The following CAMTA1 variants were observed in gnomAD, a reference collection of about 807,000 sequenced individuals.
CAMTA1 encodes the protein calmodulin-binding transcription activator 1.
Under a neutral mutation model 170.9 loss-of-function variants are expected in CAMTA1, and 27 were observed. That is an observed-to-expected ratio of 0.16 (90% CI 0.12 to 0.22). CAMTA1 has a LOEUF of 0.22. CAMTA1 is among the 10% of genes least tolerant of loss of function. The pLI, the probability that CAMTA1 is intolerant of heterozygous loss-of-function variation, is 1.00. For synonymous variants in CAMTA1, 833 were observed against 891.5 expected, an observed-to-expected ratio of 0.93 and a Z score of 1.17; for missense variants, 1,619 against 2,217.2, an observed-to-expected ratio of 0.73 and a Z score of 5.42.
At chr1:6,844,540 GC>G (rs1395576429) in intron 3 of CAMTA1, among the ~76,000 whole-genome samples, 1 of 148,194 alleles carries the variant, frequency 6.7e-6, no homozygotes, top group Non-Finnish European at 1.5e-5. Flanking sequence ...GCAAAAATTA[GC>G]CCAGCATAGA....
At chr1:7,362,459 G>A (rs528190204) in intron 5 of CAMTA1, among the ~76,000 whole-genome samples, 41 of 152,212 alleles carry the variant, frequency 2.7e-4, no homozygotes, top group African/African-American at 9.4e-4. Context: ...AGAGTTAGTG[G>A]ACTTGAATAG....
chr1:7,290,560 A>G (rs540636596), intron 5 of CAMTA1, among the ~76,000 whole-genome samples: 1 of 152,048 alleles, frequency 6.6e-6, no homozygotes, highest in East Asian at 1.9e-4. Flanking sequence ...TTTCCAAATT[A>G]TGTGTTGCAA....
chr1:7,312,097 A>G (rs569955094), intron 5 of CAMTA1, among the ~76,000 whole-genome samples: 4 of 152,244 alleles, frequency 2.6e-5, no homozygotes, highest in African/African-American at 4.8e-5. Flanking sequence ...TACAGATGCC[A>G]TGACTGCACC....
chr1:7,594,852 C>G (rs1052050715), intron 6 of CAMTA1, among the ~76,000 whole-genome samples: 1 of 152,166 alleles, frequency 6.6e-6, no homozygotes, highest in South Asian at 2.1e-4. Flanking sequence ...GAGCTCCCCT[C>G]GGGTCATATT....
At chr1:6,874,912 G>A (rs769886394) in intron 3 of CAMTA1, among the ~76,000 whole-genome samples, 3 of 152,246 alleles carry the variant, frequency 2.0e-5, no homozygotes, top group South Asian at 2.1e-4. Flanking sequence ...ACCCAGCTGC[G>A]GGAGGCTTCG....
At chr1:7,743,465 T>C (rs2096832893) in intron 16 of CAMTA1, among the ~76,000 whole-genome samples, 1 of 152,118 alleles carries the variant, frequency 6.6e-6, no homozygotes, top group South Asian at 2.1e-4. Context: ...CACGGTGCCC[T>C]GTGCCCATCT....
Position 7,010,798 on chromosome 1 carries a change from C to T in CAMTA1, c.235-80506C>T, listed in dbSNP as rs946132765. 7.2e-5 allele frequency among the ~76,000 whole-genome samples: 11 copies of T among 152,194 alleles called. No homozygotes were observed. Among genetic ancestry groups the T allele is most frequent in the Non-Finnish European group, 1.5e-4 (10 of 68,040 alleles). ...CTTACTAACAGTTTCTTGTACTCAGCTTCCCCATCACCTTCCTTCCATTTC... is the reference window on the plus strand; with the variant it reads ...CTTACTAACAGTTTCTTGTACTCAGTTTCCCCATCACCTTCCTTCCATTTC... On this transcript the variant is annotated intron_variant, in intron 3 of 22. Coordinates refer to ENST00000303635, the MANE Select transcript of CAMTA1 (RefSeq NM_015215.4). This position sits in a 1 kb window ranked among gnomAD's most constrained non-coding sequence, Gnocchi z 4.4.
intron 3 of CAMTA1, among the ~76,000 whole-genome samples, chr1:6,987,227 A>G (rs904013061): frequency 1.3e-5 from 2 of 151,738 alleles, no homozygotes; most frequent in Non-Finnish European, 2.9e-5. Context: ...CAGTGGCGCA[A>G]TCTTAGCTCA....
chr1:7,705,380 T>C (rs1260425315), intron 11 of CAMTA1, among the ~76,000 whole-genome samples: 3 of 146,936 alleles, frequency 2.0e-5, no homozygotes, highest in African/African-American at 5.1e-5. Flanking sequence ...CGCGTGTTTG[T>C]GCGAGGGGCG....
chr1:7,181,412 C>G (rs1055237388), intron 4 of CAMTA1, among the ~76,000 whole-genome samples: 6 of 152,158 alleles, frequency 3.9e-5, no homozygotes, highest in African/African-American at 1.4e-4. Flanking sequence ...AAATCAGTTA[C>G]TGGCATGAAT....
At chr1:6,941,528 A>G (rs1686622488) in intron 3 of CAMTA1, among the ~76,000 whole-genome samples, 1 of 152,160 alleles carries the variant, frequency 6.6e-6, no homozygotes, top group South Asian at 2.1e-4. Flanking sequence ...TGGCCTATTT[A>G]GGAGGTCATC....
chr1:7,131,767 A>G (rs528563507), intron 4 of CAMTA1, among the ~76,000 whole-genome samples: 49 of 152,056 alleles, frequency 3.2e-4, no homozygotes, highest in Non-Finnish European at 4.1e-4. Flanking sequence ...TACATATTCC[A>G]ATTTTGGGCC....
At chr1:7,745,050 C>T in intron 17 of CAMTA1, 28 bp downstream of exon 17, 1 of 1,574,032 alleles carries the variant, frequency 6.4e-7, no homozygotes, top group Non-Finnish European at 8.6e-7. Context: ...GGTCACTACC[C>T]AGCATAGATT....
rs1053452611 is a variant in CAMTA1, at chr1:7,416,110, A to G, written c.439-51720A>G. Among the ~76,000 whole-genome samples the G allele has an allele frequency of 6.2e-3, 947 of 152,200 alleles. 6 individuals carry two copies. Among genetic ancestry groups the G allele is most frequent in the African/African-American group, 0.022 (908 of 41,520 alleles). ...GCCCCCACTCTCTTCTGGCTTGTAG[A>G]GTTTCTGCTGAGAGATCCGCTGTTA... On this transcript the variant is annotated intron_variant, in intron 5 of 22. Coordinates refer to ENST00000303635, the MANE Select transcript of CAMTA1 (RefSeq NM_015215.4).
chr1:7,171,752 T>A (rs1193494468), intron 4 of CAMTA1, among the ~76,000 whole-genome samples: 1 of 152,184 alleles, frequency 6.6e-6, no homozygotes, highest in African/African-American at 2.4e-5. Context: ...TACCCACGGC[T>A]CAGGCAGTCC....
At chr1:7,621,213 G>A (rs1477779896) in intron 6 of CAMTA1, among the ~76,000 whole-genome samples, 4 of 152,224 alleles carry the variant, frequency 2.6e-5, no homozygotes, top group Non-Finnish European at 4.4e-5. Context: ...CTAGAGGGAG[G>A]CTGCCACAGA....
chr1:7,043,209 A>G (rs1160140638), intron 3 of CAMTA1, among the ~76,000 whole-genome samples: 1 of 152,122 alleles, frequency 6.6e-6, no homozygotes, highest in Non-Finnish European at 1.5e-5. Flanking sequence ...TCGGGGCCTC[A>G]CTCAGAGGCA....
chr1:7,483,326 G>A (rs2093567346), intron 6 of CAMTA1, among the ~76,000 whole-genome samples: 1 of 152,230 alleles, frequency 6.6e-6, no homozygotes, highest in Admixed American at 6.5e-5. Flanking sequence ...GGGATGTTGA[G>A]TTCAATCTAA....
chr1:7,579,626 C>G (rs1433356563), intron 6 of CAMTA1, among the ~76,000 whole-genome samples: 1 of 133,308 alleles, frequency 7.5e-6, no homozygotes, highest in African/African-American at 2.8e-5. Context: ...GTGGCACAAT[C>G]TCGGCTCACT....
Sources: gnomAD v4.1 joint callset for allele counts (sites outside exome capture counted in the v4.1 genomes callset) on GRCh38, gnomAD v4.1.1 for gene constraint, Gnocchi (gnomAD v3.1) non-coding constraint, MANE v1.5 for transcripts, NCBI Gene and HGNC (gene_info 2026-07-23, HGNC 2026-07-21) for gene names.